USP37: variants seen among roughly 807,000 people sequenced by gnomAD.
The protein encoded by USP37 is ubiquitin specific peptidase 37, also known as ubiquitin carboxyl-terminal hydrolase 37.
A neutral mutation model predicts 124.0 loss-of-function variants in USP37; 27 were observed. The ratio of observed to expected loss-of-function variants is 0.22; its 90% CI spans 0.16 to 0.30. USP37 has a LOEUF of 0.30. Ranked by LOEUF, USP37 falls within the 10% of genes least tolerant of loss-of-function variation. The probability of loss-of-function intolerance (pLI) is 1.00; values close to 1 mark genes in which losing one functional copy is unlikely to be tolerated. For missense variants in USP37, 889 were observed against 1,140.4 expected, an observed-to-expected ratio of 0.78 and a Z score of 3.17; for synonymous variants, 365 against 388.0, an observed-to-expected ratio of 0.94 and a Z score of 0.70.
intron 4 of USP37, among the ~76,000 whole-genome samples, chr2:218,555,293 T>C (rs1417809937): frequency 1.3e-5 from 2 of 152,156 alleles, no homozygotes; most frequent in East Asian, 3.9e-4. Context: ...CTTCAGAATT[T>C]TTTTTAAACT....
In USP37 at chr2:218,451,307, T is replaced by C. The variant is rs1428041304; in HGVS notation, c.*3623A>G. 1 of 152,138 alleles carries C rather than the reference T, an allele frequency of 6.6e-6. No individual in the cohort carries two copies. The highest frequency in any genetic ancestry group is 1.5e-5 in the Non-Finnish European group (1 of 68,022). The allele number at this position is 152,138 out of a possible 1,614,324, so 9.4% of individuals were successfully genotyped here. A position where few individuals can be genotyped will look rare whatever the true frequency, so the allele number is the denominator to read the frequency against. Reference sequence around the variant, plus strand: ...TGTTGATTTTTCTAAAAATCTCCTATATATACAAAATCCATATGTACTTGG... The same window carrying C: ...TGTTGATTTTTCTAAAAATCTCCTACATATACAAAATCCATATGTACTTGG... On this transcript the variant is annotated 3_prime_UTR_variant, in exon 26 of 26. Coordinates refer to ENST00000258399, the MANE Select transcript of USP37 (RefSeq NM_020935.3).
At position 218,558,815 on chromosome 2, in the gene USP37, T is replaced by C; in HGVS notation, c.-24-138A>G. 4.9e-6 allele frequency: 3 copies of C among 606,082 alleles called. No homozygotes were observed. The South Asian group carries it at 6.7e-5, about 14-fold the overall frequency. 37.5% of individuals were successfully genotyped at this position (606,082 alleles called of 1,614,324 possible). ...CCTTCATTTTCCCTTCTTTGCCATGTGTCCAGTACTGTATTTATTAGTGCC... is the reference window on the plus strand; with the variant it reads ...CCTTCATTTTCCCTTCTTTGCCATGCGTCCAGTACTGTATTTATTAGTGCC... On this transcript the variant is annotated intron_variant, in intron 3 of 25. Coordinates refer to ENST00000258399, the MANE Select transcript of USP37 (RefSeq NM_020935.3).
chr2:218,516,861 A>T (rs1046787415), intron 10 of USP37, among the ~76,000 whole-genome samples: 2 of 152,198 alleles, frequency 1.3e-5, no homozygotes, highest in Admixed American at 6.5e-5. Context: ...ATTTTGAATC[A>T]ATCTATACAT....
At chr2:218,511,016 T>A (rs954660120) in intron 10 of USP37, among the ~76,000 whole-genome samples, 6 of 152,086 alleles carry the variant, frequency 3.9e-5, no homozygotes, top group Non-Finnish European at 7.4e-5. Context: ...AAAAAAAGTT[T>A]TAATTTTTAC....
Position 218,566,340 on chromosome 2 carries a change from T to C in USP37, c.-230+1838A>G, listed in dbSNP as rs1040776820. On this transcript the variant is annotated intron_variant, in intron 1 of 25. Coordinates refer to ENST00000258399, the MANE Select transcript of USP37 (RefSeq NM_020935.3). Reference sequence around the variant, plus strand: ...AGTTTAGTGAAGGAGAGGAGGAAGATGAAGTTAGTGAAGCAGGCAAGAACC... The same window carrying C: ...AGTTTAGTGAAGGAGAGGAGGAAGACGAAGTTAGTGAAGCAGGCAAGAACC... Among the ~76,000 whole-genome samples the C allele has an allele frequency of 3.3e-5, 5 of 152,154 alleles. No homozygotes were observed. In the South Asian group the frequency reaches 6.2e-4, roughly 19 times the overall value.
intron 11 of USP37, among the ~76,000 whole-genome samples, chr2:218,508,277 C>CTT (rs1051039473): frequency 7.1e-6 from 1 of 140,368 alleles, no homozygotes. Context: ...GTTTTTTTTT[C>CTT]TTTTTTTTTT....
At chr2:218,537,350 T>G (rs1461940314) in intron 8 of USP37, among the ~76,000 whole-genome samples, 1 of 152,210 alleles carries the variant, frequency 6.6e-6, no homozygotes, top group Non-Finnish European at 1.5e-5. Context: ...CTGCCACTGC[T>G]ATGTGAATAA....
At chr2:218,466,560 G>T (rs1690334173) in intron 20 of USP37, among the ~76,000 whole-genome samples, 1 of 152,044 alleles carries the variant, frequency 6.6e-6, no homozygotes, top group African/African-American at 2.4e-5. Flanking sequence ...ATGATCTACA[G>T]TGATGGTTCT....
At chr2:218,559,601 A>C (rs903644271) in intron 3 of USP37, among the ~76,000 whole-genome samples, 1 of 152,240 alleles carries the variant, frequency 6.6e-6, no homozygotes, top group African/African-American at 2.4e-5. Flanking sequence ...TACCATTCCT[A>C]GAAAGAATCT....
At position 218,482,169 on chromosome 2, in the gene USP37, C is replaced by T. The variant is rs1235002854; in HGVS notation, c.1736G>A (p.Gly579Glu). 10 of 1,613,644 alleles carry T rather than the reference C, an allele frequency of 6.2e-6. No individual in the cohort carries two copies. Among genetic ancestry groups the T allele is most frequent in the Non-Finnish European group, 8.5e-6 (10 of 1,179,814 alleles). Reference protein sequence around the residue: ...NVALSLNNKIGQQVIIPRYLT... With the variant: ...NVALSLNNKIEQQVIIPRYLT... The stretch of plus-strand genomic sequence containing the variant: ...GTATCTTGGAATGATGACTTGCTGC[C>T]CAATCTTATTGTTAAGCGAGAGAGC... Residue 579 changes from glycine to glutamate, a missense_variant, in exon 17 of 26, where the codon GGG (glycine) becomes GAG (glutamate). Physicochemically the swap from Gly to Glu is moderately conservative, Grantham distance 98. Transcript: ENST00000258399.
chr2:218,529,920 C>A (rs1335152804), intron 10 of USP37, 36 bp downstream of exon 10: 2 of 1,518,388 alleles, frequency 1.3e-6, no homozygotes, highest in South Asian at 1.2e-5. Flanking sequence ...AAAAAGAACT[C>A]CTAAGTTTTT....
At chr2:218,527,103 G>C (rs756953172) in intron 10 of USP37, among the ~76,000 whole-genome samples, 2 of 152,012 alleles carry the variant, frequency 1.3e-5, no homozygotes, top group African/African-American at 4.8e-5. Flanking sequence ...TTATCATCTC[G>C]GTTTCCTTGC....
At chr2:218,477,006 A>G in intron 18 of USP37, 25 bp from the exon 19 acceptor site, 3 of 1,485,430 alleles carry the variant, frequency 2.0e-6, no homozygotes, top group Admixed American at 2.5e-5. Flanking sequence ...AAAAAAAAAA[A>G]GCCTGATAAA....
chr2:218,554,192 T>C (rs527594430), intron 4 of USP37, among the ~76,000 whole-genome samples: 19 of 152,332 alleles, frequency 1.2e-4, no homozygotes, highest in Admixed American at 7.8e-4. Context: ...GGTCCTCAAA[T>C]AACATCATTT....
intron 23 of USP37, among the ~76,000 whole-genome samples, chr2:218,457,581 AG>A (rs1459108525): frequency 4.6e-5 from 7 of 152,246 alleles, no homozygotes; most frequent in Non-Finnish European, 1.0e-4. Context: ...TGTTACGTTA[AG>A]AGTTAGGCAT....
intron 20 of USP37, among the ~76,000 whole-genome samples, chr2:218,472,529 T>G (rs1347624565): frequency 2.0e-5 from 3 of 151,898 alleles, no homozygotes; most frequent in Non-Finnish European, 4.4e-5. Flanking sequence ...AATGGTGCAA[T>G]ATCGGCTCAC....
intron 10 of USP37, among the ~76,000 whole-genome samples, chr2:218,512,795 C>T (rs1238174564): frequency 1.3e-5 from 2 of 152,056 alleles, no homozygotes; most frequent in African/African-American, 4.8e-5. Context: ...TGTTTTCAAC[C>T]TTTCTGCATC....
chr2:218,457,833 G>A lies in USP37; in HGVS notation c.2644-672C>T, dbSNP rs1006015261. Among the ~76,000 whole-genome samples the A allele has an allele frequency of 4.0e-5, 6 of 151,724 alleles. No homozygotes were observed. The East Asian group carries it at 1.2e-3, about 30-fold the overall frequency. ...GAGGCCAAGGTGGGCAGATCACGAG[G>A]TCAGGAGATTGAGACCATCCTGCCT... On this transcript the variant is annotated intron_variant, in intron 23 of 25. Coordinates refer to ENST00000258399, the MANE Select transcript of USP37 (RefSeq NM_020935.3).
intron 16 of USP37, among the ~76,000 whole-genome samples, chr2:218,483,652 T>C (rs1455730634): frequency 6.6e-6 from 1 of 151,242 alleles, no homozygotes; most frequent in African/African-American, 2.4e-5. Context: ...CCCTTAGCAT[T>C]TTTTTCCCCC....
Sources: gnomAD v4.1 joint callset for allele counts (sites outside exome capture counted in the v4.1 genomes callset) on GRCh38, gnomAD v4.1.1 for gene constraint, MANE v1.5 for transcripts, NCBI Gene and HGNC (gene_info 2026-07-23, HGNC 2026-07-21) for gene names.